The following UBR4 variants were observed in gnomAD, a reference collection of about 807,000 sequenced individuals.
UBR4 encodes the protein E3 ubiquitin-protein ligase UBR4.
UBR4 carries 124 observed loss-of-function variants against 575.6 expected under a neutral mutation model. The observed-to-expected ratio is 0.22, with a 90% CI of 0.19 to 0.25. The LOEUF (loss-of-function observed/expected upper bound fraction) is 0.25, where lower values mean the gene tolerates loss of function less well. Ranked by LOEUF, UBR4 falls within the 10% of genes least tolerant of loss-of-function variation. UBR4 has a pLI of 1.00. For synonymous variants in UBR4, 2,455 were observed against 2,473.7 expected, an observed-to-expected ratio of 0.99 and a Z score of 0.22; for missense variants, 4,818 against 6,478.8, an observed-to-expected ratio of 0.74 and a Z score of 8.80.
chr1:19,206,479 C>T (rs948134976), intron 1 of UBR4, among the ~76,000 whole-genome samples: 16 of 152,044 alleles, frequency 1.1e-4, no homozygotes, highest in South Asian at 2.1e-4. Context: ...GCATTACAGG[C>T]GCGCGCCACC....
Position 19,152,522 on chromosome 1 carries a change from C to T in UBR4, c.6833-46G>A, listed in dbSNP as rs2085876397. 1.2e-6 allele frequency: 2 copies of T among 1,609,472 alleles called. No individual in the cohort carries two copies. Among genetic ancestry groups the T allele is most frequent in the Non-Finnish European group, 1.7e-6 (2 of 1,177,844 alleles). On this transcript the variant is annotated intron_variant, in intron 46 of 105. Coordinates refer to ENST00000375254, the MANE Select transcript of UBR4 (RefSeq NM_020765.3). This position sits in a 1 kb window ranked among gnomAD's most constrained non-coding sequence, Gnocchi z 4.4. Reference sequence around the variant, plus strand: ...TCGTCAAGAGTCTCTCCCACCTCTGCCCCAACACCACTGGTAAAGACTCCT... The same window carrying T: ...TCGTCAAGAGTCTCTCCCACCTCTGTCCCAACACCACTGGTAAAGACTCCT...
In UBR4 at chr1:19,094,892, C is replaced by A. The variant is rs373965048; in HGVS notation, c.13746+14G>T. On this transcript the variant is annotated intron_variant, in intron 94 of 105. Coordinates refer to ENST00000375254, the MANE Select transcript of UBR4 (RefSeq NM_020765.3). ...TCTCAGTGCCTGCAGATGGAGGGGC[C>A]GAGCCCCACTCACCTTGTCCTCACT... The A allele has an allele frequency of 6.2e-7, 1 of 1,612,096 alleles. No homozygotes were observed. Among genetic ancestry groups the A allele is most frequent in the Non-Finnish European group, 8.5e-7 (1 of 1,179,840 alleles).
Position 19,175,036 on chromosome 1 carries a change from G to A in UBR4, c.2774-3C>T, listed in dbSNP as rs1442229661. 2.5e-6 allele frequency: 4 copies of A among 1,612,158 alleles called. No individual in the cohort carries two copies. The highest frequency in any genetic ancestry group is 3.4e-6 in the Non-Finnish European group (4 of 1,178,530). ...GAATCTGGGGTGTGGGACAGCATCT[G>A]AAAAGTAATATGCTGATTAAAAGAA... On this transcript the variant is annotated splice_region_variant and splice_polypyrimidine_tract_variant and intron_variant, in intron 20 of 105. Transcript: ENST00000375254.
chr1:19,086,167 C>T lies in UBR4; in HGVS notation c.14791G>A (p.Ala4931Thr). 6.2e-7 allele frequency: 1 copy of T among 1,614,024 alleles called. No homozygotes were observed. Among genetic ancestry groups the T allele is most frequent in the Non-Finnish European group, 8.5e-7 (1 of 1,180,008 alleles). ...CACCTTGCCAAGCAAGTGGCAAAAG[C>T]TGATTCAGGGACATGAGGTCCCCAG... ...PVWGPHVPES[A>T]FATCLARHNT... The change falls in exon 101 of 106, where the codon GCT becomes ACT. Residue 4931 changes from alanine to threonine, a missense_variant. By Grantham distance (58) the Ala-to-Thr change is moderately conservative. Around this residue, in one of 29 missense-constraint regions of UBR4, gnomAD observed 196 missense variants for 386.8 expected, o/e 0.51. Transcript: ENST00000375254.
rs781437364 is a variant in UBR4, at chr1:19,117,952, T to C, written c.10542-42A>G. ...TCTTAGCATGAACACATTTTCATCT[T>C]AGGAAGCACTGAGTTTCACAAAAAA... On this transcript the variant is annotated intron_variant, in intron 71 of 105. Coordinates refer to ENST00000375254, the MANE Select transcript of UBR4 (RefSeq NM_020765.3). This position sits in a 1 kb window ranked among gnomAD's most constrained non-coding sequence, Gnocchi z 4.0. 6.3e-7 allele frequency: 1 copy of C among 1,584,218 alleles called. No homozygotes were observed. The highest frequency in any genetic ancestry group is 8.7e-7 in the Non-Finnish European group (1 of 1,153,322).
At chr1:19,145,726 T>C (rs1482124853) in intron 53 of UBR4, 67 bp downstream of exon 53, 1 of 1,563,232 alleles carries the variant, frequency 6.4e-7, no homozygotes, top group Admixed American at 1.8e-5. Context: ...CTAACGGTCA[T>C]AGCTGTTCAA....
At chr1:19,176,989 G>A (rs1052472796) in intron 19 of UBR4, among the ~76,000 whole-genome samples, 4 of 152,088 alleles carry the variant, frequency 2.6e-5, no homozygotes, top group African/African-American at 9.7e-5. Context: ...TGCAATTTTT[G>A]GTGCAACATA....
At chr1:19,140,932 G>A (rs2083840205) in intron 57 of UBR4, 40 bp from the exon 58 acceptor site, 1 of 1,562,656 alleles carries the variant, frequency 6.4e-7, no homozygotes, top group Non-Finnish European at 8.7e-7. Context: ...ATCCCCTCCA[G>A]GTCCCATCCA....
At chr1:19,122,793 C>T (rs746581011) in intron 66 of UBR4, 40 bp downstream of exon 66, 1 of 1,611,654 alleles carries the variant, frequency 6.2e-7, no homozygotes, top group Non-Finnish European at 8.5e-7. Flanking sequence ...AGCCTTATCA[C>T]ATCCCCCCTC....
rs567475916 is a variant in UBR4, at chr1:19,085,289, A to G, written c.14814-591T>C. ...GTAATCCCAGCACTTTGAGAGGCCG[A>G]GGCAGGTGGATCACCTGAGGTCAGG... On this transcript the variant is annotated intron_variant, in intron 101 of 105. Coordinates refer to ENST00000375254, the MANE Select transcript of UBR4 (RefSeq NM_020765.3). Among the ~76,000 whole-genome samples the G allele has an allele frequency of 2.5e-3, 382 of 152,330 alleles. 2 individuals are homozygous for G. Among genetic ancestry groups the G allele is most frequent in the South Asian group, 8.9e-3 (43 of 4,830 alleles).
chr1:19,163,722 C>A, intron 34 of UBR4, 42 bp downstream of exon 34: 1 of 1,601,544 alleles, frequency 6.2e-7, no homozygotes, highest in African/African-American at 1.3e-5. Flanking sequence ...GTGAGAATCA[C>A]CTTTCCCTTC....
intron 35 of UBR4, 52 bp from the exon 36 acceptor site, chr1:19,161,949 A>G: frequency 3.1e-6 from 5 of 1,599,246 alleles, no homozygotes; most frequent in Non-Finnish European, 4.3e-6. Flanking sequence ...GCATATAAAC[A>G]CCCACAAAAA....
At chr1:19,162,377 T>A (rs939437432) in intron 35 of UBR4, 43 bp downstream of exon 35, 1 of 1,572,152 alleles carries the variant, frequency 6.4e-7, no homozygotes, top group Non-Finnish European at 8.6e-7. Context: ...TGCCAGTTAG[T>A]CATTACCTTG....
chr1:19,149,001 G>A (rs563986055), intron 49 of UBR4, among the ~76,000 whole-genome samples: 1 of 152,250 alleles, frequency 6.6e-6, no homozygotes, highest in South Asian at 2.1e-4. Context: ...GTGGGCAAAA[G>A]GACACACAAA....
chr1:19,086,156 A>G lies in UBR4; in HGVS notation c.14802T>C (p.Thr4934=), dbSNP rs762678087. Residue 4934 remains threonine, a synonymous_variant, in exon 101 of 106, where the codon ACT becomes ACC. Coordinates refer to ENST00000375254, the MANE Select transcript of UBR4 (RefSeq NM_020765.3). The stretch of plus-strand genomic sequence containing the variant: ...TACTCAACACTCACCTTGCCAAGCA[A>G]GTGGCAAAAGCTGATTCAGGGACAT... ...GPHVPESAFA[T]CLARHNTYLQ... The G allele has an allele frequency of 1.9e-5, 31 of 1,613,828 alleles. No individual in the cohort carries two copies. In the Admixed American group the frequency reaches 5.2e-4, roughly 27 times the overall value.
At chr1:19,106,765 A>G (rs779825857) in intron 82 of UBR4, 39 bp from the exon 83 acceptor site, 44 of 1,600,080 alleles carry the variant, frequency 2.7e-5, no homozygotes, top group African/African-American at 6.7e-5. Flanking sequence ...AGGTAAGTAA[A>G]TGAGAGTGAC....
chr1:19,124,788 G>A (rs2081544408), intron 64 of UBR4, 98 bp from the exon 65 acceptor site: 2 of 1,452,848 alleles, frequency 1.4e-6, no homozygotes, highest in Non-Finnish European at 1.9e-6. Flanking sequence ...ACATGTTGGA[G>A]GTGGTAAAGG....
At chr1:19,107,255 G>A (rs17390041) in intron 81 of UBR4, among the ~76,000 whole-genome samples, 13,094 of 152,080 alleles carry the variant, frequency 0.086, 667 homozygotes, top group Non-Finnish European at 0.12. Context: ...CCTATCCCAC[G>A]GCTGATTTGC....
chr1:19,131,514 C>T (rs1479140317), intron 60 of UBR4, among the ~76,000 whole-genome samples: 1 of 152,068 alleles, frequency 6.6e-6, no homozygotes, highest in Non-Finnish European at 1.5e-5. Context: ...CTCCTAAAAA[C>T]AAATGAAAAT....
Sources: allele counts gnomAD v4.1 joint callset (sites outside exome capture counted in the v4.1 genomes callset), GRCh38; gene constraint gnomAD v4.1.1; regional missense constraint gnomAD v4.1.1; non-coding constraint Gnocchi (gnomAD v3.1); transcripts MANE v1.5; gene names NCBI Gene and HGNC (gene_info 2026-07-23, HGNC 2026-07-21).